Variants in TMEM132C observed in about 807,000 individuals in gnomAD.
TMEM132C encodes the protein protein phosphatase 1, regulatory subunit 152.
A neutral mutation model predicts 61.4 loss-of-function variants in TMEM132C; 29 were observed. The ratio of observed to expected loss-of-function variants is 0.47; its 90% CI spans 0.35 to 0.64. The LOEUF (loss-of-function observed/expected upper bound fraction) is 0.64, where lower values mean the gene tolerates loss of function less well. TMEM132C is among the 30% of genes least tolerant of loss of function. The probability of loss-of-function intolerance (pLI) is 0.00; values close to 1 mark genes in which losing one functional copy is unlikely to be tolerated. For missense variants in TMEM132C, 1,408 were observed against 1,476.9 expected, an observed-to-expected ratio of 0.95 and a Z score of 0.76; for synonymous variants, 656 against 633.1, an observed-to-expected ratio of 1.04 and a Z score of -0.54.
intron 1 of TMEM132C, among the ~76,000 whole-genome samples, chr12:128,279,201 C>T (rs1023121445): frequency 3.9e-5 from 6 of 152,160 alleles, no homozygotes; most frequent in Non-Finnish European, 7.4e-5. Context: ...CACTCATTAT[C>T]TCCATTCCTT....
At position 128,580,732 on chromosome 12, in the gene TMEM132C, G is replaced by A. The variant is rs183880081; in HGVS notation, c.1122-35420G>A. ...TTTTCTTATAGCGACAGTCCCCACC[G>A]CTCCCTGAGACTAAACTTACACTGC... On this transcript the variant is annotated intron_variant, in intron 3 of 8. Coordinates refer to ENST00000435159, the MANE Select transcript of TMEM132C (RefSeq NM_001136103.3). Among the ~76,000 whole-genome samples the A allele has an allele frequency of 2.7e-3, 417 of 152,258 alleles. 7 individuals carry two copies. The highest frequency in any genetic ancestry group is 3.7e-4 in the Non-Finnish European group (25 of 68,018).
In TMEM132C at chr12:128,549,504, C is replaced by T. The variant is rs541941538; in HGVS notation, c.1121+5401C>T. On this transcript the variant is annotated intron_variant, in intron 3 of 8. Transcript: ENST00000435159. ...CATCTGTGGGAAGCTTTAGACATCC[C>T]CTTTCCCATGTTCGTTTCTTCAACA... 2.0e-5 allele frequency among the ~76,000 whole-genome samples: 3 copies of T among 152,226 alleles called. No individual in the cohort carries two copies. In the South Asian group the frequency reaches 6.2e-4, roughly 32 times the overall value.
Position 128,679,312 on chromosome 12 carries a change from A to G in TMEM132C, c.1449+9752A>G, listed in dbSNP as rs146328218. Among the ~76,000 whole-genome samples the G allele has an allele frequency of 5.9e-4, 90 of 152,344 alleles. 2 individuals carry two copies. The East Asian group carries it at 0.016, about 28-fold the overall frequency. Reference sequence around the variant, plus strand: ...TGCATTAGGCAGCTATTGCTGTGATAATGCTGCATAACAAAACAACCTGAC... The same window carrying G: ...TGCATTAGGCAGCTATTGCTGTGATGATGCTGCATAACAAAACAACCTGAC... On this transcript the variant is annotated intron_variant, in intron 5 of 8. Coordinates refer to ENST00000435159, the MANE Select transcript of TMEM132C (RefSeq NM_001136103.3).
intron 1 of TMEM132C, among the ~76,000 whole-genome samples, chr12:128,388,176 G>A (rs1874646239): frequency 6.6e-6 from 1 of 152,180 alleles, no homozygotes; most frequent in African/African-American, 2.4e-5. Context: ...GAGAGGAAGA[G>A]GCTTTTCTTG....
At chr12:128,493,698 T>A (rs937302624) in intron 2 of TMEM132C, among the ~76,000 whole-genome samples, 5 of 152,240 alleles carry the variant, frequency 3.3e-5, no homozygotes, top group African/African-American at 1.2e-4. Flanking sequence ...GCACATTGAT[T>A]TTGTACCTGA....
At chr12:128,544,644 C>T (rs375285636) in intron 3 of TMEM132C, among the ~76,000 whole-genome samples, 14 of 148,038 alleles carry the variant, frequency 9.5e-5, no homozygotes, top group African/African-American at 2.7e-4. Flanking sequence ...ACAATTATAG[C>T]GGGGGGAATC....
chr12:128,455,676 A>G lies in TMEM132C; in HGVS notation c.974+40056A>G, dbSNP rs911886539. Among the ~76,000 whole-genome samples, 6 of 152,242 alleles carry G rather than the reference A, an allele frequency of 3.9e-5. No individual in the cohort carries two copies. The East Asian group carries it at 9.6e-4, about 24-fold the overall frequency. ...AACGTATGATCTTGTTCTGTGGGTG[A>G]TAAGTAAACATGACATCCATTGTAT... On this transcript the variant is annotated intron_variant, in intron 2 of 8. Transcript: ENST00000435159.
chr12:128,435,677 C>T (rs568326880), intron 2 of TMEM132C, among the ~76,000 whole-genome samples: 14 of 152,210 alleles, frequency 9.2e-5, no homozygotes, highest in Non-Finnish European at 1.3e-4. Flanking sequence ...ACATTCCATG[C>T]TCATGGATAG....
At chr12:128,657,264 G>A (rs1456377870) in intron 4 of TMEM132C, among the ~76,000 whole-genome samples, 3 of 152,108 alleles carry the variant, frequency 2.0e-5, no homozygotes, top group Non-Finnish European at 4.4e-5. Context: ...ATACAGAACT[G>A]GTTTCCCTGC....
chr12:128,494,811 A>G (rs868352154), intron 2 of TMEM132C, among the ~76,000 whole-genome samples: 34 of 151,780 alleles, frequency 2.2e-4, no homozygotes, highest in African/African-American at 7.3e-4. Context: ...GGATTCATGG[A>G]TTTTTTGAAG....
chr12:128,298,525 G>C (rs76543403), intron 1 of TMEM132C, among the ~76,000 whole-genome samples: 6 of 152,048 alleles, frequency 3.9e-5, no homozygotes, highest in East Asian at 1.9e-4. Flanking sequence ...ACGTAACTAC[G>C]GTACGTACGA....
At chr12:128,345,596 A>G (rs962029811) in intron 1 of TMEM132C, among the ~76,000 whole-genome samples, 3 of 152,128 alleles carry the variant, frequency 2.0e-5, no homozygotes, top group Non-Finnish European at 4.4e-5. Context: ...ACTTTTTAAT[A>G]GTAGCCATTC....
At chr12:128,351,705 A>G (rs569644863) in intron 1 of TMEM132C, among the ~76,000 whole-genome samples, 1 of 152,238 alleles carries the variant, frequency 6.6e-6, no homozygotes, top group African/African-American at 2.4e-5. Context: ...TCTTGTGGGA[A>G]CTAAGGGGGA....
At position 128,705,276 on chromosome 12, in the gene TMEM132C, C is replaced by G. The variant is rs776145107; in HGVS notation, c.2308C>G (p.Arg770Gly). 192 of 1,551,478 alleles carry G rather than the reference C, an allele frequency of 1.2e-4. 2 individuals carry two copies. Among genetic ancestry groups the G allele is most frequent in the South Asian group, 6.5e-4 (55 of 84,058 alleles). The change falls in exon 9 of 9, where the codon CGA becomes GGA. Residue 770 changes from arginine (R) to glycine (G), a missense_variant. Physicochemically the swap from Arg to Gly is moderately radical, Grantham distance 125 (BLOSUM62 -2). Coordinates refer to ENST00000435159, the MANE Select transcript of TMEM132C (RefSeq NM_001136103.3). ...AGGGGAAGGCCAGGGCCCACTGATC[C>G]GAGTGGACATGACGATCGCCGAGGC... ...AEGEGQGPLI[R>G]VDMTIAEACQ...
In TMEM132C at chr12:128,662,514, C is replaced by T. The variant is rs116899401; in HGVS notation, c.1306-6903C>T. ...TCTCAGGTCCTTGCTCTTGACCTGC[C>T]GAGAAGTTGTGGTCAAGAACATATA... On this transcript the variant is annotated intron_variant, in intron 4 of 8. Coordinates refer to ENST00000435159, the MANE Select transcript of TMEM132C (RefSeq NM_001136103.3). 3.2e-3 allele frequency among the ~76,000 whole-genome samples: 488 copies of T among 152,258 alleles called. 3 individuals carry two copies. Among genetic ancestry groups the T allele is most frequent in the Middle Eastern group, 0.01 (3 of 294 alleles).
chr12:128,459,640 C>G (rs1360519678), intron 2 of TMEM132C, among the ~76,000 whole-genome samples: 3 of 151,880 alleles, frequency 2.0e-5, no homozygotes, highest in Admixed American at 1.3e-4. Context: ...ACCTGTAATC[C>G]CAGCACTTTA....
intron 2 of TMEM132C, among the ~76,000 whole-genome samples, chr12:128,420,527 G>T (rs926850405): frequency 5.3e-5 from 8 of 152,222 alleles, no homozygotes; most frequent in Non-Finnish European, 1.2e-4. Flanking sequence ...GTGAGCCATT[G>T]TAAAGACTTT....
At chr12:128,675,919 TC>T (rs1189671340) in intron 5 of TMEM132C, among the ~76,000 whole-genome samples, 1 of 152,144 alleles carries the variant, frequency 6.6e-6, no homozygotes, top group African/African-American at 2.4e-5. Flanking sequence ...CTGAACCACT[TC>T]AGAGTAAGTT....
chr12:128,349,045 C>T (rs1006725415), intron 1 of TMEM132C, among the ~76,000 whole-genome samples: 1 of 152,110 alleles, frequency 6.6e-6, no homozygotes, highest in African/African-American at 2.4e-5. Context: ...ACTCTGTTAC[C>T]CAGGCTGGAG....
Sources: allele counts gnomAD v4.1 joint callset (sites outside exome capture counted in the v4.1 genomes callset), GRCh38; gene constraint gnomAD v4.1.1; transcripts MANE v1.5; gene names NCBI Gene and HGNC (gene_info 2026-07-23, HGNC 2026-07-21).